Variants in AOPEP observed in about 807,000 individuals in gnomAD.
AOPEP encodes the protein aminopeptidase O (putative).
AOPEP carries 77 observed loss-of-function variants against 98.1 expected under a neutral mutation model. That is an observed-to-expected ratio of 0.78 (90% CI 0.65 to 0.95). AOPEP has a LOEUF of 0.95. Among genes scored for constraint, AOPEP ranks in the 40% least tolerant of loss-of-function variants. AOPEP has a pLI of 0.00. For synonymous variants in AOPEP, 346 were observed against 365.3 expected (o/e 0.95, Z 0.60); for missense variants, 1,024 against 1,024.7 (o/e 1.00, Z 0.01).
chr9:95,000,669 T>C (rs1188056034), intron 11 of AOPEP, among the ~76,000 whole-genome samples: 1 of 152,108 alleles, frequency 6.6e-6, no homozygotes, highest in Non-Finnish European at 1.5e-5. Flanking sequence ...GATTGCACCA[T>C]TGCACTCCAG....
Position 94,759,990 on chromosome 9 carries a change from C to T in AOPEP, c.207C>T (p.Asn69=). The stretch of plus-strand genomic sequence containing the variant: ...AGGAAGCCTGCCAATCAGAATCAAA[C>T]AAAGCCTGCAAATTTGGGATGCCTG... ...SIEEACQSES[N]KACKFGMPEP... is the part of the protein sequence containing the mutation. The change falls in exon 2 of 17, where the codon AAC becomes AAT. Residue 69 remains asparagine, a synonymous_variant. Transcript: ENST00000375315. The T allele has an allele frequency of 3.7e-6, 6 of 1,614,202 alleles. No individual in the cohort carries two copies. The highest frequency in any genetic ancestry group is 5.1e-6 in the Non-Finnish European group (6 of 1,180,024).
At chr9:94,807,123 A>T (rs1396156061) in intron 5 of AOPEP, among the ~76,000 whole-genome samples, 1 of 152,176 alleles carries the variant, frequency 6.6e-6, no homozygotes, top group East Asian at 1.9e-4. Context: ...TAGAATCTGG[A>T]TACCAGGCAA....
chr9:95,149,992 C>T, the AOPEP span: 1 of 1,613,834 alleles, frequency 6.2e-7, no homozygotes, highest in East Asian at 2.2e-5. Flanking sequence ...ACGTCCATGA[C>T]AGATGAGGAG....
At chr9:94,820,314 T>C (rs777602028) in intron 5 of AOPEP, among the ~76,000 whole-genome samples, 3 of 152,184 alleles carry the variant, frequency 2.0e-5, no homozygotes, top group Non-Finnish European at 4.4e-5. Context: ...TATAGTACTT[T>C]ATGAGCTTTT....
In AOPEP at chr9:94,787,118, G is replaced by A. The variant is rs1194782239; in HGVS notation, c.965-5647G>A. ...TATTGAACTTCAGAGAAGACTGTGA[G>A]GAAACAATGACAGTTTTAACATATT... On this transcript the variant is annotated intron_variant, in intron 3 of 16. Transcript: ENST00000375315. Among the ~76,000 whole-genome samples the A allele has an allele frequency of 1.3e-5, 2 of 152,220 alleles. 1 individual carries two copies. The highest frequency in any genetic ancestry group is 3.8e-4 in the East Asian group (2 of 5,206).
At chr9:95,015,945 G>A (rs934360428) in intron 13 of AOPEP, among the ~76,000 whole-genome samples, 5 of 152,076 alleles carry the variant, frequency 3.3e-5, no homozygotes, top group South Asian at 4.2e-4. Context: ...CAAGTGATCC[G>A]CCTGCCTTGG....
chr9:95,019,751 A>G (rs893860599), intron 13 of AOPEP: 34 of 152,256 alleles, frequency 2.2e-4, no homozygotes, highest in African/African-American at 8.2e-4. Flanking sequence ...TCATCTTGGT[A>G]CCATGGTGCT....
In AOPEP at chr9:94,920,005, C is replaced by T. The variant is rs138753826; in HGVS notation, c.1365-3981C>T. Among the ~76,000 whole-genome samples the T allele has an allele frequency of 6.5e-4, 99 of 152,222 alleles. 1 individual carries two copies. The highest frequency in any genetic ancestry group is 3.9e-4 in the East Asian group (2 of 5,160). ...AGGATCTGTGTGAAAAGTAAACTTG[C>T]GGCCAGGCGCAGTGACTCATGCCTG... On this transcript the variant is annotated intron_variant, in intron 5 of 16. Transcript: ENST00000375315.
the AOPEP span, among the ~76,000 whole-genome samples, chr9:95,096,142 G>A: frequency 6.6e-6 from 1 of 152,170 alleles, no homozygotes; most frequent in Admixed American, 6.5e-5. Flanking sequence ...AAGGCAGAGG[G>A]CTGGGGAGCT....
chr9:94,818,440 A>G (rs1037364250), intron 5 of AOPEP, among the ~76,000 whole-genome samples: 7 of 152,354 alleles, frequency 4.6e-5, no homozygotes, highest in Middle Eastern at 3.4e-3. Flanking sequence ...TAGTATGACA[A>G]TATGAAAGGT....
At position 94,857,738 on chromosome 9, in the gene AOPEP, C is replaced by T. The variant is rs1231883243; in HGVS notation, c.1364+56736C>T. Among the ~76,000 whole-genome samples, 4 of 152,164 alleles carry T rather than the reference C, an allele frequency of 2.6e-5. No individual in the cohort carries two copies. The East Asian group carries it at 5.8e-4, about 22-fold the overall frequency. ...AGGCTGAAAGGTGAACTTGCAAGTA[C>T]AGGCTTATCATTTCATGGAATGTGA... is the stretch of plus-strand genomic sequence containing the variant. On this transcript the variant is annotated intron_variant, in intron 5 of 16. Transcript: ENST00000375315.
chr9:95,038,719 A>G (rs2065038540), intron 13 of AOPEP, among the ~76,000 whole-genome samples: 1 of 152,222 alleles, frequency 6.6e-6, no homozygotes, highest in Non-Finnish European at 1.5e-5. Context: ...TCTTTTAATT[A>G]GTCTTACATT....
chr9:95,037,916 G>A (rs543879128), intron 13 of AOPEP, among the ~76,000 whole-genome samples: 9 of 152,290 alleles, frequency 5.9e-5, no homozygotes, highest in Non-Finnish European at 1.0e-4. Context: ...GTGTCATGCC[G>A]TGGTGGGGAA....
chr9:94,737,179 G>A (rs6479566), intron 1 of AOPEP, among the ~76,000 whole-genome samples: 4,899 of 151,986 alleles, frequency 0.032, 269 homozygotes, highest in African/African-American at 0.11. Context: ...ATCCCAGCTG[G>A]AGTGCAGGCT....
chr9:94,957,722 C>T (rs2058562658), intron 9 of AOPEP, among the ~76,000 whole-genome samples: 1 of 152,172 alleles, frequency 6.6e-6, no homozygotes, highest in African/African-American at 2.4e-5. Context: ...TTTACTCCCC[C>T]AGCCCTACAT....
intron 4 of AOPEP, among the ~76,000 whole-genome samples, chr9:94,795,879 C>T (rs1373028974): frequency 6.6e-6 from 1 of 152,118 alleles, no homozygotes; most frequent in East Asian, 1.9e-4. Context: ...GAGGAACAGA[C>T]AGAGGAGATA....
At chr9:94,730,397 A>G (rs1330216852) in intron 1 of AOPEP, among the ~76,000 whole-genome samples, 1 of 152,148 alleles carries the variant, frequency 6.6e-6, no homozygotes, top group African/African-American at 2.4e-5. Flanking sequence ...GAGAGTGAAG[A>G]AAAAACGACA....
At chr9:95,111,957 G>A in the AOPEP span, among the ~76,000 whole-genome samples, 1 of 152,228 alleles carries the variant, frequency 6.6e-6, no homozygotes, top group South Asian at 2.1e-4. Flanking sequence ...GAATGTGGCA[G>A]GATGTGGCGG....
intron 13 of AOPEP, among the ~76,000 whole-genome samples, chr9:95,045,029 CT>C (rs1425509020): frequency 2.0e-5 from 3 of 152,170 alleles, no homozygotes; most frequent in African/African-American, 4.8e-5. Flanking sequence ...AAACAGGGGT[CT>C]TTAGCCAGAA....
Sources: allele counts gnomAD v4.1 joint callset (sites outside exome capture counted in the v4.1 genomes callset), GRCh38; gene constraint gnomAD v4.1.1; transcripts MANE v1.5; gene names NCBI Gene and HGNC (gene_info 2026-07-23, HGNC 2026-07-21).